Variants in EPHB1 observed in about 807,000 individuals in gnomAD.
EPHB1 encodes EPH receptor B1.
In EPHB1, 30 loss-of-function variants were observed where a neutral mutation model predicts 94.4. That is an observed-to-expected ratio of 0.32 (90% CI 0.24 to 0.43). The LOEUF (loss-of-function observed/expected upper bound fraction) is 0.43. Ranked by LOEUF, EPHB1 falls within the 20% of genes least tolerant of loss-of-function variation. The pLI is 1.00. For missense variants in EPHB1, 1,055 were observed against 1,308.3 expected (o/e 0.81, Z 2.99); for synonymous variants, 522 against 489.1 (o/e 1.07, Z -0.89).
At chr3:135,040,262 A>G (rs1936791067) in intron 3 of EPHB1, among the ~76,000 whole-genome samples, 1 of 152,254 alleles carries the variant, frequency 6.6e-6, no homozygotes, top group African/African-American at 2.4e-5. Context: ...TTCGAGATAC[A>G]TACACTATAA....
chr3:134,982,313 A>G (rs910703045), intron 3 of EPHB1, among the ~76,000 whole-genome samples: 4 of 152,146 alleles, frequency 2.6e-5, no homozygotes, highest in African/African-American at 9.7e-5. Context: ...TAAAGGAGGG[A>G]GAGAAAGAGA....
At chr3:134,935,068 TGA>T (rs2038975668) in intron 2 of EPHB1, among the ~76,000 whole-genome samples, 1 of 152,196 alleles carries the variant, frequency 6.6e-6, no homozygotes, top group African/African-American at 2.4e-5. Context: ...GCCTGAGGAC[TGA>T]CTCATTGATG....
At chr3:135,013,955 G>A (rs1935705922) in intron 3 of EPHB1, among the ~76,000 whole-genome samples, 1 of 152,162 alleles carries the variant, frequency 6.6e-6, no homozygotes, top group Non-Finnish European at 1.5e-5. Flanking sequence ...TGGTGGTGGT[G>A]GAAACACTAC....
At chr3:135,134,097 A>T (rs954224446) in intron 5 of EPHB1, among the ~76,000 whole-genome samples, 11 of 152,256 alleles carry the variant, frequency 7.2e-5, no homozygotes, top group Non-Finnish European at 1.3e-4. Flanking sequence ...TCCCGGGGTT[A>T]CCGTGCAAGG....
chr3:134,893,994 A>G (rs2038038472), intron 1 of EPHB1, among the ~76,000 whole-genome samples: 1 of 152,100 alleles, frequency 6.6e-6, no homozygotes. Context: ...GCGCTCTTAA[A>G]TTTGCTTCCT....
intron 3 of EPHB1, among the ~76,000 whole-genome samples, chr3:134,976,371 A>G (rs1559779482): frequency 6.6e-6 from 1 of 152,222 alleles, no homozygotes; most frequent in Admixed American, 6.5e-5. Flanking sequence ...ACCTGACTCA[A>G]TAAAGGCAGC....
At chr3:134,980,886 A>G (rs1021265476) in intron 3 of EPHB1, among the ~76,000 whole-genome samples, 2 of 152,332 alleles carry the variant, frequency 1.3e-5, no homozygotes, top group African/African-American at 2.4e-5. Flanking sequence ...CTCTGCCACA[A>G]TCCTTCAGAA....
At chr3:134,815,452 A>C (rs947907369) in intron 1 of EPHB1, among the ~76,000 whole-genome samples, 3 of 152,074 alleles carry the variant, frequency 2.0e-5, no homozygotes, top group African/African-American at 7.2e-5. Context: ...TTGTACCATA[A>C]AATATATGTG....
intron 3 of EPHB1, among the ~76,000 whole-genome samples, chr3:135,034,647 G>T (rs769493250): frequency 6.6e-6 from 1 of 152,224 alleles, no homozygotes; most frequent in South Asian, 2.1e-4. Flanking sequence ...AGTCACAGCC[G>T]CAGGGACTCT....
intron 1 of EPHB1, among the ~76,000 whole-genome samples, chr3:134,845,584 G>T (rs1157748833): frequency 1.3e-5 from 2 of 151,498 alleles, no homozygotes; most frequent in African/African-American, 2.4e-5. Flanking sequence ...CCGTGGCTTC[G>T]AGGTCTCTGA....
At chr3:135,230,109 C>T (rs1943497238) in intron 12 of EPHB1, among the ~76,000 whole-genome samples, 1 of 152,160 alleles carries the variant, frequency 6.6e-6, no homozygotes, top group South Asian at 2.1e-4. Context: ...GGAAAAAGTA[C>T]AGTTCCTGCC....
intron 1 of EPHB1, among the ~76,000 whole-genome samples, chr3:134,872,837 T>A (rs2037530973): frequency 6.6e-6 from 1 of 152,214 alleles, no homozygotes; most frequent in African/African-American, 2.4e-5. Flanking sequence ...AGGCAGGGAA[T>A]ACACCTTATT....
chr3:135,140,256 G>A (rs1940772210), intron 5 of EPHB1, among the ~76,000 whole-genome samples: 1 of 152,144 alleles, frequency 6.6e-6, no homozygotes, highest in Non-Finnish European at 1.5e-5. Context: ...GAGGCAAAGA[G>A]GATGGGAGGG....
At chr3:135,150,902 C>T (rs1415681799) in intron 5 of EPHB1, among the ~76,000 whole-genome samples, 1 of 152,202 alleles carries the variant, frequency 6.6e-6, no homozygotes, top group Non-Finnish European at 1.5e-5. Context: ...CCTGGGCTCT[C>T]CTCTCAAACT....
intron 1 of EPHB1, among the ~76,000 whole-genome samples, chr3:134,874,849 A>T (rs2037584816): frequency 6.6e-6 from 1 of 152,176 alleles, no homozygotes; most frequent in Non-Finnish European, 1.5e-5. Flanking sequence ...CTATTTACAG[A>T]GTGTGGGCCT....
chr3:135,052,909 A>ATGTGTG (rs745760849), intron 3 of EPHB1, among the ~76,000 whole-genome samples: 4 of 68,852 alleles, frequency 5.8e-5, no homozygotes, highest in African/African-American at 3.1e-4. Flanking sequence ...ATATATATAT[A>ATGTGTG]TGTGTGTGTG....
chr3:134,795,464 C>T lies in EPHB1; in HGVS notation c.-168C>T. On this transcript the variant is annotated 5_prime_UTR_variant, in exon 1 of 16. Coordinates refer to ENST00000398015, the MANE Select transcript of EPHB1 (RefSeq NM_004441.5). ...GCGCGCCCGCACCGCCCCACGCGCA[C>T]ACACTCCTGCCCACGCCCACGCAGC... 1.6e-6 allele frequency: 1 copy of T among 624,062 alleles called. No homozygotes were observed. Among genetic ancestry groups the T allele is most frequent in the South Asian group, 2.0e-5 (1 of 48,926 alleles). 38.7% of individuals were successfully genotyped at this position (624,062 alleles called of 1,614,324 possible).
chr3:134,896,927 T>C (rs969174473), intron 1 of EPHB1, among the ~76,000 whole-genome samples: 3 of 152,052 alleles, frequency 2.0e-5, no homozygotes, highest in African/African-American at 7.2e-5. Flanking sequence ...TGGATGGGGG[T>C]CCCTCCTGGT....
intron 1 of EPHB1, among the ~76,000 whole-genome samples, chr3:134,880,528 A>G (rs1440481761): frequency 6.6e-6 from 1 of 152,212 alleles, no homozygotes; most frequent in Non-Finnish European, 1.5e-5. Flanking sequence ...TCATCCTAAC[A>G]AGGAGTCCCT....
Sources: allele counts gnomAD v4.1 joint callset (sites outside exome capture counted in the v4.1 genomes callset), GRCh38; gene constraint gnomAD v4.1.1; transcripts MANE v1.5; gene names NCBI Gene and HGNC (gene_info 2026-07-23, HGNC 2026-07-21).